Variants in EPS8L3 observed in about 807,000 individuals in gnomAD.
The protein encoded by EPS8L3 is EPS8 signaling adaptor L3.
A neutral mutation model predicts 88.5 loss-of-function variants in EPS8L3; 80 were observed. That is an observed-to-expected ratio of 0.90 (90% confidence interval 0.75 to 1.09). The LOEUF (loss-of-function observed/expected upper bound fraction) is 1.09, where lower values mean the gene tolerates loss of function less well. Among genes scored for constraint, EPS8L3 ranks in the 50% least tolerant of loss-of-function variants. EPS8L3 has a pLI of 0.00. For synonymous variants in EPS8L3, 286 were observed against 291.0 expected (o/e 0.98, Z 0.18); for missense variants, 721 against 735.2 (o/e 0.98, Z 0.22).
chr1:109,753,456 G>A (rs1208677354), intron 12 of EPS8L3, among the ~76,000 whole-genome samples: 8 of 152,180 alleles, frequency 5.3e-5, no homozygotes, highest in Admixed American at 3.9e-4. Flanking sequence ...CACCACCTCC[G>A]TAAGAACATG....
At chr1:109,762,949 G>T (rs898508104) in intron 1 of EPS8L3, among the ~76,000 whole-genome samples, 1 of 152,240 alleles carries the variant, frequency 6.6e-6, no homozygotes. Flanking sequence ...TGTCCCGGGT[G>T]GGGGTGGTGT....
At chr1:109,751,580 T>G (rs765603572) in intron 16 of EPS8L3, 74 bp downstream of exon 16, 2 of 1,602,022 alleles carry the variant, frequency 1.2e-6, no homozygotes, top group South Asian at 1.1e-5. Context: ...TCTCCTCTGC[T>G]TGCCACTGAA....
chr1:109,760,299 A>G lies in EPS8L3; in HGVS notation c.97-463T>C, dbSNP rs560126080. On this transcript the variant is annotated intron_variant, in intron 3 of 18. Transcript: ENST00000361965. ...ATTCCTGTCTCCTTCTCCCTGGTTC[A>G]TGCCTGGAGATATCCATCGTGATCT... Among the ~76,000 whole-genome samples, 10 of 152,206 alleles carry G rather than the reference A, an allele frequency of 6.6e-5. No individual in the cohort carries two copies. In the East Asian group the frequency reaches 1.7e-3, roughly 26 times the overall value.
At position 109,757,972 on chromosome 1, in the gene EPS8L3, T is replaced by C; in HGVS notation, c.804A>G (p.Lys268=). ...CCTGGTCCTTGTTTTTTTTCCCAAA[T>C]TTCTTCTTCCTGCTGGTCTTTGCCT... ...KAQAKTSRKK[K]FGKKNKDQGG... The change falls in exon 9 of 19, where the codon AAA becomes AAG. Residue 268 remains lysine (K), a synonymous_variant. Transcript: ENST00000361965. 1 of 1,614,174 alleles carries C rather than the reference T, an allele frequency of 6.2e-7. No individual in the cohort carries two copies. Among genetic ancestry groups the C allele is most frequent in the Non-Finnish European group, 8.5e-7 (1 of 1,180,028 alleles).
At position 109,761,762 on chromosome 1, in the gene EPS8L3, G is replaced by C. The variant is rs768730727; in HGVS notation, c.-13C>G. The C allele has an allele frequency of 6.2e-7, 1 of 1,613,936 alleles. No homozygotes were observed. Among genetic ancestry groups the C allele is most frequent in the Non-Finnish European group, 8.5e-7 (1 of 1,180,010 alleles). On this transcript the variant is annotated 5_prime_UTR_variant, in exon 2 of 19. Transcript: ENST00000361965. The stretch of plus-strand genomic sequence containing the variant: ...TGGGCCTTGACATGTTGACGCTGCT[G>C]AGGACGGCTCCCTAGAACCCAAAGT...
chr1:109,756,894 C>T lies in EPS8L3; in HGVS notation c.1118+123G>A, dbSNP rs76524911. 450 of 1,259,250 alleles carry T rather than the reference C, an allele frequency of 3.6e-4. 1 individual carries two copies. The African/African-American group carries it at 5.7e-3, about 16-fold the overall frequency. The allele number at this position is 1,259,250 out of a possible 1,614,324, so 78.0% of individuals were successfully genotyped here. On this transcript the variant is annotated intron_variant, in intron 12 of 18. Transcript: ENST00000361965. ...AAAAGTTGGGAACTCTCTGTAGAGT[C>T]CCCCAAGTAGCTCTGAAATATTTCT...
chr1:109,758,974 C>G (rs905560745), intron 6 of EPS8L3, 88 bp downstream of exon 6: 3 of 1,408,784 alleles, frequency 2.1e-6, no homozygotes, highest in Non-Finnish European at 2.9e-6. Flanking sequence ...GCCACAACCT[C>G]CTGGGTGCCC....
chr1:109,757,825 T>G lies in EPS8L3; in HGVS notation c.871A>C (p.Ile291Leu). ...ACCAGGAGGTTGAAGCTGTGCTTGA[T>G]CTTCTGGAAGCAGTCAATGTACTGT... ...QAQYIDCFQKIKHSFNLLGRL... is the reference protein window; with the variant it reads ...QAQYIDCFQKLKHSFNLLGRL... Residue 291 changes from isoleucine (I) to leucine (L), a missense_variant, in exon 10 of 19, where the codon ATC becomes CTC. By Grantham distance (5) the Ile-to-Leu change is conservative (BLOSUM62 2). Coordinates refer to ENST00000361965, the MANE Select transcript of EPS8L3 (RefSeq NM_133181.4). The G allele has an allele frequency of 6.2e-7, 1 of 1,614,086 alleles. No individual in the cohort carries two copies. Among genetic ancestry groups the G allele is most frequent in the Non-Finnish European group, 8.5e-7 (1 of 1,179,998 alleles).
At chr1:109,753,286 G>A in intron 12 of EPS8L3, 88 bp from the exon 13 acceptor site, 1 of 1,081,506 alleles carries the variant, frequency 9.2e-7, no homozygotes, top group Non-Finnish European at 1.3e-6. Flanking sequence ...GGACGACAGG[G>A]CCTAGCCTCA....
chr1:109,752,802 C>T, intron 13 of EPS8L3, 82 bp from the exon 14 acceptor site: 4 of 1,271,112 alleles, frequency 3.1e-6, no homozygotes, highest in Non-Finnish European at 4.5e-6. Flanking sequence ...CGACCACAGG[C>T]ATAAGCAGCT....
chr1:109,758,985 CA>C lies in EPS8L3; in HGVS notation c.461+76del, dbSNP rs1650598866. ...TTGGGCCACAACCTCCTGGGTGCCC[CA>C]AGATATGGGGTCAGGGTCTGGCCCC... is the stretch of plus-strand genomic sequence containing the variant. On this transcript the variant is annotated intron_variant, in intron 6 of 18. Transcript: ENST00000361965. The C allele has an allele frequency of 4.1e-6, 6 of 1,473,148 alleles. No homozygotes were observed. In the African/African-American group the frequency reaches 7.0e-5, roughly 17 times the overall value. The allele number at this position is 1,473,148 out of a possible 1,614,324, so 91.3% of individuals were successfully genotyped here.
intron 15 of EPS8L3, 54 bp from the exon 16 acceptor site, chr1:109,751,836 TC>T (rs1649823561): frequency 6.2e-7 from 1 of 1,607,208 alleles, no homozygotes. Flanking sequence ...CAGCCTTCCC[TC>T]CCCACACAAG....
chr1:109,752,730 A>T lies in EPS8L3; in HGVS notation c.1201-10T>A, dbSNP rs1195826658. The T allele has an allele frequency of 6.4e-7, 1 of 1,551,872 alleles. No individual in the cohort carries two copies. The highest frequency in any genetic ancestry group is 2.4e-5 in the East Asian group (1 of 41,042). ...GGTATCCTAAGGGTGCCTGTAAGGG[A>T]CAGAACAGAGAGTGAGTAAGAGCAG... On this transcript the variant is annotated splice_polypyrimidine_tract_variant and intron_variant, in intron 13 of 18. Coordinates refer to ENST00000361965, the MANE Select transcript of EPS8L3 (RefSeq NM_133181.4).
rs1009598752 is a variant in EPS8L3, at chr1:109,752,110, T to C, written c.1319A>G (p.Asn440Ser). 1.9e-6 allele frequency: 3 copies of C among 1,613,680 alleles called. No homozygotes were observed. The highest frequency in any genetic ancestry group is 2.5e-6 in the Non-Finnish European group (3 of 1,179,944). The change falls in exon 15 of 19, where the codon AAC (asparagine) becomes AGC (serine). Residue 440 changes from asparagine to serine, a missense_variant. Transcript: ENST00000361965. ...AGGTTTGGGGCTGGAGGGCCTGGAGTTGGGGTCCCCAGGCTGAGGGTCATG... is the reference window on the plus strand; with the variant it reads ...AGGTTTGGGGCTGGAGGGCCTGGAGCTGGGGTCCCCAGGCTGAGGGTCATG... ...HNHDPQPGDP[N>S]SRPSSPKPAQ...
At chr1:109,762,338 A>C (rs776510150) in intron 1 of EPS8L3, among the ~76,000 whole-genome samples, 1 of 151,940 alleles carries the variant, frequency 6.6e-6, no homozygotes, top group Non-Finnish European at 1.5e-5. Flanking sequence ...ACCTCCCCCA[A>C]GTGTCTCCCT....
chr1:109,759,950 G>A lies in EPS8L3; in HGVS notation c.97-114C>T. The stretch of plus-strand genomic sequence containing the variant: ...GAAGACGTGTCCTCGGCCCCCTTGA[G>A]GTAGGAGGTTCCAGGCTTCAGATAA... On this transcript the variant is annotated intron_variant, in intron 3 of 18. Coordinates refer to ENST00000361965, the MANE Select transcript of EPS8L3 (RefSeq NM_133181.4). This position sits in a 1 kb window ranked among gnomAD's most constrained non-coding sequence, Gnocchi z 4.2. 8.6e-7 allele frequency: 1 copy of A among 1,163,390 alleles called. No homozygotes were observed. Among genetic ancestry groups the A allele is most frequent in the Non-Finnish European group, 1.2e-6 (1 of 832,128 alleles). 72.1% of individuals were successfully genotyped at this position (1,163,390 alleles called of 1,614,324 possible). A position where few individuals can be genotyped will look rare whatever the true frequency, so the allele number is the denominator to read the frequency against.
At chr1:109,760,420 A>T (rs928091636) in intron 3 of EPS8L3, among the ~76,000 whole-genome samples, 3 of 151,820 alleles carry the variant, frequency 2.0e-5, no homozygotes, top group African/African-American at 7.3e-5. Context: ...CCCTTCTCCC[A>T]GCCAAACATT....
At chr1:109,752,295 T>C in intron 14 of EPS8L3, 102 bp from the exon 15 acceptor site, 1 of 1,190,562 alleles carries the variant, frequency 8.4e-7, no homozygotes, top group Non-Finnish European at 1.2e-6. Context: ...TGCAGTCTGA[T>C]GGTGACTTTT....
chr1:109,752,297 G>A, intron 14 of EPS8L3, 104 bp from the exon 15 acceptor site: 1 of 1,188,206 alleles, frequency 8.4e-7, no homozygotes, highest in Non-Finnish European at 1.2e-6. Context: ...CAGTCTGATG[G>A]TGACTTTTGG....
Sources: gnomAD v4.1 joint callset for allele counts (sites outside exome capture counted in the v4.1 genomes callset) on GRCh38, gnomAD v4.1.1 for gene constraint, Gnocchi (gnomAD v3.1) non-coding constraint, MANE v1.5 for transcripts, NCBI Gene and HGNC (gene_info 2026-07-23, HGNC 2026-07-21) for gene names.